CNTN5: variants seen among roughly 807,000 people sequenced by gnomAD.
CNTN5 encodes contactin-5.
In CNTN5, 77 loss-of-function variants were observed where a neutral mutation model predicts 129.1. The observed-to-expected ratio is 0.60, with a 90% CI of 0.50 to 0.72. CNTN5 has a LOEUF of 0.72. Ranked by LOEUF, CNTN5 falls within the 30% of genes least tolerant of loss-of-function variation. The probability of loss-of-function intolerance (pLI) is 0.00; values close to 1 mark genes in which losing one functional copy is unlikely to be tolerated. For missense variants in CNTN5, 1,478 were observed against 1,328.8 expected (o/e 1.11, Z -1.75); for synonymous variants, 509 against 465.6 (o/e 1.09, Z -1.20).
chr11:99,189,886 G>A (rs1382250452), intron 1 of CNTN5, among the ~76,000 whole-genome samples: 1 of 151,142 alleles, frequency 6.6e-6, no homozygotes. Context: ...TGTTCCTTTG[G>A]CTGTGCAAAA....
Position 100,183,061 on chromosome 11 carries a change from G to A in CNTN5, c.1581-8065G>A, listed in dbSNP as rs373786191. ...GGGAAATGCAACTTAAAGCCACAAT[G>A]GATTCTACTACCTACTTGTTATGAT... On this transcript the variant is annotated intron_variant, in intron 13 of 24. Transcript: ENST00000524871. 2.0e-5 allele frequency among the ~76,000 whole-genome samples: 3 copies of A among 152,048 alleles called. No individual in the cohort carries two copies. The East Asian group carries it at 5.8e-4, about 29-fold the overall frequency.
chr11:99,585,502 T>A (rs897601243), intron 3 of CNTN5, among the ~76,000 whole-genome samples: 6 of 152,106 alleles, frequency 3.9e-5, no homozygotes, highest in African/African-American at 9.7e-5. Flanking sequence ...TTTAAAAAAA[T>A]ATATATATTT....
intron 3 of CNTN5, among the ~76,000 whole-genome samples, chr11:99,647,410 T>C (rs1952005960): frequency 6.6e-6 from 1 of 152,154 alleles, no homozygotes; most frequent in South Asian, 2.1e-4. Flanking sequence ...TTTGTTTTTA[T>C]GCCAGTAGTA....
chr11:100,331,364 A>C (rs1951902678), intron 21 of CNTN5, among the ~76,000 whole-genome samples: 1 of 152,188 alleles, frequency 6.6e-6, no homozygotes, highest in Non-Finnish European at 1.5e-5. Flanking sequence ...GGAATGAGAT[A>C]CATGACAACA....
At chr11:99,138,349 A>G (rs1358151958) in intron 1 of CNTN5, among the ~76,000 whole-genome samples, 2 of 152,168 alleles carry the variant, frequency 1.3e-5, no homozygotes, top group African/African-American at 4.8e-5. Context: ...GTAAAACACT[A>G]AAAAATCCTA....
intron 2 of CNTN5, among the ~76,000 whole-genome samples, chr11:99,503,207 G>A (rs1379825277): frequency 6.6e-6 from 1 of 151,904 alleles, no homozygotes; most frequent in Non-Finnish European, 1.5e-5. Flanking sequence ...CTTCCTTAAT[G>A]TGTTTTGTCA....
chr11:99,555,641 CAAAG>C (rs748651254), intron 2 of CNTN5, among the ~76,000 whole-genome samples: 13 of 151,626 alleles, frequency 8.6e-5, no homozygotes, highest in Non-Finnish European at 1.2e-4. Flanking sequence ...GAGTTATAAA[CAAAG>C]GAAGTTGACA....
chr11:100,113,440 AAAAAAAAAAAAAACAAG>A (rs1945723395), intron 13 of CNTN5, among the ~76,000 whole-genome samples: 1 of 145,348 alleles, frequency 6.9e-6, no homozygotes, highest in Admixed American at 6.9e-5. Context: ...AAAAAAAAAA[AAAAAAAAAAAAAACAAG>A]AAAGAAAAAA....
chr11:100,332,709 C>CA (rs1951929956), intron 21 of CNTN5, among the ~76,000 whole-genome samples: 1 of 152,188 alleles, frequency 6.6e-6, no homozygotes, highest in African/African-American at 2.4e-5. Flanking sequence ...ATGATCATCT[C>CA]AATAGACACA....
intron 7 of CNTN5, among the ~76,000 whole-genome samples, chr11:99,928,031 A>G (rs555727886): frequency 6.6e-6 from 1 of 152,286 alleles, no homozygotes; most frequent in South Asian, 2.1e-4. Context: ...ATTGGCCAAA[A>G]TGAAGGAGTT....
intron 8 of CNTN5, among the ~76,000 whole-genome samples, chr11:99,992,373 G>A (rs548108233): frequency 6.6e-6 from 1 of 152,290 alleles, no homozygotes; most frequent in African/African-American, 2.4e-5. Context: ...TTGCCTTAAT[G>A]TTAGGGCAAG....
At chr11:99,932,777 A>G (rs1950222597) in intron 7 of CNTN5, among the ~76,000 whole-genome samples, 1 of 152,104 alleles carries the variant, frequency 6.6e-6, no homozygotes, top group Admixed American at 6.6e-5. Flanking sequence ...TGCCCTCTTC[A>G]TTTTATCCGT....
At chr11:99,761,800 A>C (rs1306601845) in intron 3 of CNTN5, among the ~76,000 whole-genome samples, 4 of 117,410 alleles carry the variant, frequency 3.4e-5, no homozygotes, top group East Asian at 2.4e-4. Context: ...TGGCTGGGTC[A>C]AATGGTATTT....
At chr11:99,879,158 G>A (rs1435960599) in intron 6 of CNTN5, among the ~76,000 whole-genome samples, 1 of 151,968 alleles carries the variant, frequency 6.6e-6, no homozygotes, top group Non-Finnish European at 1.5e-5. Context: ...GGCTGGTCTC[G>A]AACTCTTGAC....
intron 8 of CNTN5, among the ~76,000 whole-genome samples, chr11:99,961,179 T>G (rs1183120358): frequency 1.7e-5 from 2 of 119,494 alleles, no homozygotes; most frequent in Non-Finnish European, 3.2e-5. Flanking sequence ...CACTCCAGCC[T>G]GGGCCATAGA....
At chr11:99,821,396 A>C (rs147769423) in intron 4 of CNTN5, among the ~76,000 whole-genome samples, 130 of 152,308 alleles carry the variant, frequency 8.5e-4, no homozygotes, top group Non-Finnish European at 1.4e-3. Flanking sequence ...AGCTGATCCT[A>C]TTTTGGGTAA....
chr11:99,636,947 A>G lies in CNTN5; in HGVS notation c.55+80678A>G, dbSNP rs1951579938. 4.4e-5 allele frequency among the ~76,000 whole-genome samples: 3 copies of G among 68,584 alleles called. 1 individual carries two copies. Among genetic ancestry groups the G allele is most frequent in the African/African-American group, 1.3e-4 (3 of 23,418 alleles). 45.0% of individuals were successfully genotyped at this position (68,584 alleles called of 152,430 possible). A position where few individuals can be genotyped will look rare whatever the true frequency, so the allele number is the denominator to read the frequency against. ...AGAATCACTTGAGCCCAGGAGGCAG[A>G]GGTTGCAGTGAGCGAAGATCATGCC... On this transcript the variant is annotated intron_variant, in intron 3 of 24. Coordinates refer to ENST00000524871, the MANE Select transcript of CNTN5 (RefSeq NM_014361.4).
At chr11:99,122,877 C>T (rs955002714) in intron 1 of CNTN5, among the ~76,000 whole-genome samples, 1 of 152,038 alleles carries the variant, frequency 6.6e-6, no homozygotes, top group African/African-American at 2.4e-5. Context: ...GACATGGTCT[C>T]TTTCTTTCTA....
At chr11:99,189,137 T>C (rs1349911854) in intron 1 of CNTN5, among the ~76,000 whole-genome samples, 1 of 151,678 alleles carries the variant, frequency 6.6e-6, no homozygotes, top group African/African-American at 2.4e-5. Flanking sequence ...TCCTCCCAGT[T>C]CAACCATGTT....
Sources: gnomAD v4.1 joint callset for allele counts (sites outside exome capture counted in the v4.1 genomes callset) on GRCh38, gnomAD v4.1.1 for gene constraint, MANE v1.5 for transcripts, NCBI Gene and HGNC (gene_info 2026-07-23, HGNC 2026-07-21) for gene names.